The following KDM6B variants were observed in gnomAD, a reference collection of about 807,000 sequenced individuals.
KDM6B encodes lysine demethylase 6B.
KDM6B carries 22 observed loss-of-function variants against 150.4 expected under a neutral mutation model. The ratio of observed to expected loss-of-function variants is 0.15; its 90% CI spans 0.10 to 0.21. The LOEUF is 0.21. Ranked by LOEUF, KDM6B falls within the 10% of genes least tolerant of loss-of-function variation. KDM6B has a pLI of 1.00. For synonymous variants in KDM6B, 1,148 were observed against 921.1 expected (o/e 1.25, Z -4.46); for missense variants, 1,984 against 2,234.3 (o/e 0.89, Z 2.26).
At position 7,848,279 on chromosome 17, in the gene KDM6B, C is replaced by A; in HGVS notation, c.1991C>A (p.Pro664His). The A allele has an allele frequency of 6.2e-7, 1 of 1,612,468 alleles. No individual in the cohort carries two copies. The highest frequency in any genetic ancestry group is 8.5e-7 in the Non-Finnish European group (1 of 1,179,804). ...QPVPPGVGEL[P>H]ARGPRLFDFP... ...GTGCCGCCCGGGGTTGGGGAGCTGC[C>A]TGCCCGAGGCCCTCGACTCTTTGAT... The change falls in exon 12 of 24, where the codon CCT becomes CAT. Residue 664 changes from proline to histidine, a missense_variant. Transcript: ENST00000448097.
chr17:7,846,325 G>A (rs753581131), intron 7 of KDM6B, 28 bp downstream of exon 7: 18 of 1,597,990 alleles, frequency 1.1e-5, no homozygotes, highest in Admixed American at 1.7e-5. Context: ...GTGGGGGACG[G>A]GATTGTACGA....
At position 7,853,675 on chromosome 17, in the gene KDM6B, G is replaced by T; in HGVS notation, c.*154G>T. The T allele has an allele frequency of 6.8e-4, 206 of 305,018 alleles. No homozygotes were observed. Among genetic ancestry groups the T allele is most frequent in the Middle Eastern group, 1.9e-3 (2 of 1,042 alleles). The allele number at this position is 305,018 out of a possible 1,614,324, so 18.9% of individuals were successfully genotyped here. On this transcript the variant is annotated 3_prime_UTR_variant, in exon 24 of 24. Transcript: ENST00000448097. ...CAGCTCCCCTCACTTAATTTATTAA[G>T]AAAAACTTTTTTTTTTTTTTTAGCA...
In KDM6B at chr17:7,846,423, T is replaced by C; in HGVS notation, c.480T>C (p.Thr160=). Residue 160 remains threonine (T), a synonymous_variant, in exon 8 of 24, where the codon ACT becomes ACC. Coordinates refer to ENST00000448097, the MANE Select transcript of KDM6B (RefSeq NM_001348716.2). Reference sequence around the variant, plus strand: ...AGGCCCAGCTCTGGAACTTTCATACTGGCTCCTGCCAGCACCGAGCCAAGG... The same window carrying C: ...AGGCCCAGCTCTGGAACTTTCATACCGGCTCCTGCCAGCACCGAGCCAAGG... ...LQQAQLWNFH[T]GSCQHRAKVL... The C allele has an allele frequency of 7.4e-7, 1 of 1,351,014 alleles. No individual in the cohort carries two copies. The highest frequency in any genetic ancestry group is 9.9e-7 in the Non-Finnish European group (1 of 1,014,698). 83.7% of individuals were successfully genotyped at this position (1,351,014 alleles called of 1,614,324 possible). A position where few individuals can be genotyped will look rare whatever the true frequency, so the allele number is the denominator to read the frequency against.
chr17:7,850,865 G>A (rs1216003135), intron 14 of KDM6B, among the ~76,000 whole-genome samples, 156 bp from the exon 15 acceptor site: 3 of 152,210 alleles, frequency 2.0e-5, no homozygotes, highest in Admixed American at 1.3e-4. Flanking sequence ...GCTTCCTGTG[G>A]GGCTAGGGCT....
Position 7,847,425 on chromosome 17 carries a change from C to CCGGGG in KDM6B, c.1233_1237dup (p.Val413GlyfsTer76). On this transcript the variant is annotated frameshift_variant, in exon 11 of 24. Transcript: ENST00000448097. LOFTEE classifies it high-confidence loss of function. ...GTAGCAGCAGCAGCAACACTGGTCT[C>CCGGGG]CGGGGCGTGGAGCCGAACCCAGGCA... The CCGGGG allele has an allele frequency of 1.2e-6, 2 of 1,613,682 alleles. No individual in the cohort carries two copies. Among genetic ancestry groups the CCGGGG allele is most frequent in the Non-Finnish European group, 1.7e-6 (2 of 1,179,980 alleles).
Position 7,853,576 on chromosome 17 carries a change from C to T in KDM6B, c.*55C>T, listed in dbSNP as rs2078749245. The T allele has an allele frequency of 3.0e-6, 4 of 1,327,314 alleles. No homozygotes were observed. The highest frequency in any genetic ancestry group is 3.6e-5 in the Admixed American group (1 of 27,942). 82.2% of individuals were successfully genotyped at this position (1,327,314 alleles called of 1,614,324 possible). A position where few individuals can be genotyped will look rare whatever the true frequency, so the allele number is the denominator to read the frequency against. On this transcript the variant is annotated 3_prime_UTR_variant, in exon 24 of 24. Coordinates refer to ENST00000448097, the MANE Select transcript of KDM6B (RefSeq NM_001348716.2). ...GCGCAAGGCGCCGCGGGGCCACCAG[C>T]ACATGCCTGGGCTGGACCTAGGTCC...
At chr17:7,851,920 C>A (rs200301302) in intron 18 of KDM6B, 31 bp from the exon 19 acceptor site, 477 of 1,610,262 alleles carry the variant, frequency 3.0e-4, no homozygotes, top group Admixed American at 4.8e-4. Context: ...CCGACCTGGC[C>A]AGCCATGCCG....
rs1260784879 is a variant in KDM6B at position 7,853,465 on chromosome 17, T to G, written c.4909-33T>G. ...GGGCTTCGGGAGCCCGGCCGCGCCT[T>G]TCCCTGAGCCCCCGCCGGCTTTCTC... is the stretch of plus-strand genomic sequence containing the variant. On this transcript the variant is annotated intron_variant, in intron 23 of 23. Transcript: ENST00000448097. The G allele has an allele frequency of 7.9e-6, 12 of 1,510,098 alleles. No homozygotes were observed. The East Asian group carries it at 2.2e-4, about 28-fold the overall frequency. The allele number at this position is 1,510,098 out of a possible 1,614,324, so 93.5% of individuals were successfully genotyped here.
intron 1 of KDM6B, among the ~76,000 whole-genome samples, chr17:7,836,820 G>A (rs1195390271): frequency 6.6e-6 from 1 of 152,210 alleles, no homozygotes; most frequent in East Asian, 1.9e-4. Context: ...CACCCACTCC[G>A]CCCCGTAGGG....
chr17:7,845,817 G>A (rs996186046), intron 5 of KDM6B, 55 bp from the exon 6 acceptor site: 1 of 1,590,648 alleles, frequency 6.3e-7, no homozygotes, highest in Non-Finnish European at 8.6e-7. Context: ...CTCCTGCCTA[G>A]GTAGGACAAG....
chr17:7,848,987 C>A lies in KDM6B; in HGVS notation c.2699C>A (p.Pro900Gln). Reference sequence around the variant, plus strand: ...CCCATGACCCCCACCCAACCGCCCCCACCCCTATCTCTGCCCCCTGCTCGC... The same window carrying A: ...CCCATGACCCCCACCCAACCGCCCCAACCCCTATCTCTGCCCCCTGCTCGC... ...PGPMTPTQPP[P>Q]PLSLPPARSE... The change falls in exon 12 of 24, where the codon CCA becomes CAA. Residue 900 changes from proline to glutamine, a missense_variant. Physicochemically the swap from Pro to Gln is moderately conservative, Grantham distance 76. Transcript: ENST00000448097. 6.3e-7 allele frequency: 1 copy of A among 1,577,786 alleles called. No homozygotes were observed. Among genetic ancestry groups the A allele is most frequent in the Non-Finnish European group, 8.6e-7 (1 of 1,158,956 alleles).
intron 7 of KDM6B, 29 bp from the exon 8 acceptor site, chr17:7,846,371 G>GGGGCGGCCCCGCGGCCCCCCCCC: frequency 6.7e-7 from 1 of 1,488,926 alleles, no homozygotes; most frequent in Non-Finnish European, 9.2e-7. Flanking sequence ...CCTGACATCT[G>GGGGCGGCCCCGCGGCCCCCCCCC]CCCCTGCCCC....
Position 7,848,968 on chromosome 17 carries a change from A to ACCCCCC in KDM6B, c.2685_2686insCCCCCC (p.Pro895_Thr896insProPro). On this transcript the variant is annotated inframe_insertion, in exon 12 of 24. Transcript: ENST00000448097. Reference sequence around the variant, plus strand: ...CGAAGAGCCAGTCCCGGGCCCCATGACCCCCACCCAACCGCCCCCACCCCT... The same window carrying ACCCCCC: ...CGAAGAGCCAGTCCCGGGCCCCATGACCCCCCCCCCCACCCAACCGCCCCCACCCCT... The ACCCCCC allele has an allele frequency of 6.8e-7, 1 of 1,460,046 alleles. No homozygotes were observed. The highest frequency in any genetic ancestry group is 9.4e-7 in the Non-Finnish European group (1 of 1,066,196). The allele number at this position is 1,460,046 out of a possible 1,614,324, so 90.4% of individuals were successfully genotyped here.
Position 7,849,377 on chromosome 17 carries a change from G to T in KDM6B, c.3089G>T (p.Gly1030Val), listed in dbSNP as rs1199052593. Reference protein sequence around the residue: ...NLDLQSEEIQGREKSRPDLGG... With the variant: ...NLDLQSEEIQVREKSRPDLGG... ...GACCTGCAGAGCGAGGAGATCCAGG[G>T]TCGTGAGAAGTCCCGGCCCGATCTT... The change falls in exon 12 of 24, where the codon GGT becomes GTT. Residue 1030 changes from glycine (G) to valine (V), a missense_variant. This residue lies in a region of KDM6B where 1,379 missense variants were observed against 1,275.6 expected (regional missense o/e 1.08). Transcript: ENST00000448097. 1.2e-6 allele frequency: 2 copies of T among 1,608,028 alleles called. No homozygotes were observed. The highest frequency in any genetic ancestry group is 2.2e-5 in the East Asian group (1 of 44,498).
Position 7,850,111 on chromosome 17 carries a change from C to A in KDM6B, c.3607C>A (p.Gln1203Lys), listed in dbSNP as rs1179523776. The change falls in exon 14 of 24, where the codon CAG becomes AAG. Residue 1203 changes from glutamine (Q) to lysine (K), a missense_variant. By Grantham distance (53) the Gln-to-Lys change is moderately conservative. This residue lies in a region of KDM6B where 15 missense variants were observed against 48.7 expected (regional missense o/e 0.31). Transcript: ENST00000448097. ...KRDAFSPVLLQFCTDPRNPIT... is the reference protein window; with the variant it reads ...KRDAFSPVLLKFCTDPRNPIT... The stretch of plus-strand genomic sequence containing the variant: ...GGATGCCTTCTCACCTGTCCTGCTG[C>A]AGTTCTGTACAGACCCTCGAAATCC... The A allele has an allele frequency of 6.2e-7, 1 of 1,613,810 alleles. No homozygotes were observed. The highest frequency in any genetic ancestry group is 1.3e-5 in the African/African-American group (1 of 74,926).
At chr17:7,846,370 T>TGGGCCCG in intron 7 of KDM6B, 30 bp from the exon 8 acceptor site, 2 of 1,501,948 alleles carry the variant, frequency 1.3e-6, no homozygotes, top group Non-Finnish European at 1.8e-6. Flanking sequence ...ACCTGACATC[T>TGGGCCCG]GCCCCTGCCC....
chr17:7,842,062 CTT>C (rs2078426913), intron 2 of KDM6B, among the ~76,000 whole-genome samples: 2 of 152,262 alleles, frequency 1.3e-5, no homozygotes, highest in Admixed American at 6.5e-5. Context: ...TCTGCGGGCT[CTT>C]GTCTCTGGCC....
chr17:7,851,327 CAGG>C lies in KDM6B; in HGVS notation c.3883_3885del (p.Glu1295del), dbSNP rs753991103. On this transcript the variant is annotated splice_acceptor_variant and coding_sequence_variant, in exon 16 of 24. Coordinates refer to ENST00000448097, the MANE Select transcript of KDM6B (RefSeq NM_001348716.2). LOFTEE classifies it high-confidence loss of function. ...CAGGCCTGCCTACCCTCTGGCTGAA[CAGG>C]AGGAGAAGGAGAGTGAGGATGAGGA... The C allele has an allele frequency of 9.3e-6, 15 of 1,613,974 alleles. No individual in the cohort carries two copies. The highest frequency in any genetic ancestry group is 6.7e-5 in the African/African-American group (5 of 74,926).
chr17:7,838,768 C>T (rs1392966459), intron 1 of KDM6B, among the ~76,000 whole-genome samples: 1 of 151,880 alleles, frequency 6.6e-6, no homozygotes, highest in Non-Finnish European at 1.5e-5. Flanking sequence ...AGGTTATGAG[C>T]CTCCCTGTCC....
Sources: allele counts gnomAD v4.1 joint callset (sites outside exome capture counted in the v4.1 genomes callset), GRCh38; gene constraint gnomAD v4.1.1; regional missense constraint gnomAD v4.1.1; transcripts MANE v1.5; gene names NCBI Gene and HGNC (gene_info 2026-07-23, HGNC 2026-07-21).